The following CSNK1A1 variants were observed in gnomAD, a reference collection of about 807,000 sequenced individuals.
CSNK1A1 encodes the protein casein kinase 1 alpha 1.
In CSNK1A1, 7 loss-of-function variants were observed where a neutral mutation model predicts 46.1. That is an observed-to-expected ratio of 0.15 (90% CI 0.09 to 0.29). The LOEUF is 0.29. Ranked by LOEUF, CSNK1A1 falls within the 10% of genes least tolerant of loss-of-function variation. CSNK1A1 has a pLI of 1.00. For missense variants in CSNK1A1, 96 were observed against 417.1 expected (o/e 0.23, Z 6.71); for synonymous variants, 137 against 141.5 (o/e 0.97, Z 0.23).
rs1761439348 is a variant in CSNK1A1, at chr5:149,517,531, T to C, written c.456+2759A>G. Among the ~76,000 whole-genome samples, 1 of 152,236 alleles carries C rather than the reference T, an allele frequency of 6.6e-6. No homozygotes were observed. The highest frequency in any genetic ancestry group is 1.5e-5 in the Non-Finnish European group (1 of 68,032). On this transcript the variant is annotated intron_variant, in intron 4 of 9. Coordinates refer to ENST00000377843, the MANE Select transcript of CSNK1A1 (RefSeq NM_001892.6). This position sits in a 1 kb window ranked among gnomAD's most constrained non-coding sequence, Gnocchi z 4.4. ...ACTAGACCAACATCATTTCCTCATA[T>C]GTATGTTAGAGAGCTAAACATAATA... is the stretch of plus-strand genomic sequence containing the variant.
At chr5:149,502,964 C>T in intron 9 of CSNK1A1, 11 of 718,534 alleles carry the variant, frequency 1.5e-5, no homozygotes, top group Non-Finnish European at 1.9e-5. Context: ...AGATGGGTTT[C>T]CACCATGTTG....
At chr5:149,546,290 C>T (rs542599754) in intron 2 of CSNK1A1, among the ~76,000 whole-genome samples, 15 of 152,132 alleles carry the variant, frequency 9.9e-5, no homozygotes, top group Non-Finnish European at 1.3e-4. Flanking sequence ...AGGTCATCTA[C>T]GCAGGCCAGG....
chr5:149,522,098 A>T (rs924112560), intron 3 of CSNK1A1, among the ~76,000 whole-genome samples: 1 of 152,004 alleles, frequency 6.6e-6, no homozygotes, highest in Non-Finnish European at 1.5e-5. Flanking sequence ...TGTATACAAT[A>T]GAAGTTCTGT....
intron 2 of CSNK1A1, among the ~76,000 whole-genome samples, chr5:149,534,924 A>G (rs1439331088): frequency 6.6e-6 from 1 of 150,730 alleles, no homozygotes; most frequent in Non-Finnish European, 1.5e-5. Flanking sequence ...AAAAAAAAAA[A>G]GCCCCTTACC....
At chr5:149,543,232 A>G (rs983734469) in intron 2 of CSNK1A1, among the ~76,000 whole-genome samples, 1 of 152,182 alleles carries the variant, frequency 6.6e-6, no homozygotes, top group African/African-American at 2.4e-5. Context: ...TGACCTTGAC[A>G]TAAGGGTGAT....
rs567705787 is a variant in CSNK1A1, at chr5:149,504,787, T to C, written c.1006+660A>G. 2.8e-5 allele frequency: 28 copies of C among 985,432 alleles called. No individual in the cohort carries two copies. The Admixed American group carries it at 1.2e-3, about 43-fold the overall frequency. 61.0% of individuals were successfully genotyped at this position (985,432 alleles called of 1,614,324 possible). ...CAAGCCAAAAACAAAGAAATCGTTT[T>C]GAAATTAAGATCATACGTAAACTGC... On this transcript the variant is annotated intron_variant, in intron 9 of 9. Coordinates refer to ENST00000377843, the MANE Select transcript of CSNK1A1 (RefSeq NM_001892.6).
At chr5:149,509,843 A>G (rs761105968) in intron 7 of CSNK1A1, 36 bp downstream of exon 7, 65 of 1,526,388 alleles carry the variant, frequency 4.3e-5, no homozygotes, top group Non-Finnish European at 5.9e-5. Context: ...GCCTGGCTTC[A>G]TTTATATTTT....
At position 149,551,071 on chromosome 5, in the gene CSNK1A1, G is replaced by A. The variant is rs1461066604; in HGVS notation, c.-107C>T. The A allele has an allele frequency of 8.5e-6, 11 of 1,296,834 alleles. No individual in the cohort carries two copies. The highest frequency in any genetic ancestry group is 9.7e-6 in the Non-Finnish European group (9 of 928,224). 80.3% of individuals were successfully genotyped at this position (1,296,834 alleles called of 1,614,324 possible). ...GCAAGGCTACGGAGGAGGGCGGCAG[G>A]AAACGGAACACGGAGGCCTTTACCG... On this transcript the variant is annotated 5_prime_UTR_variant, in exon 1 of 10. Transcript: ENST00000377843.
chr5:149,500,562 C>G (rs1376929528), intron 9 of CSNK1A1, among the ~76,000 whole-genome samples: 1 of 152,072 alleles, frequency 6.6e-6, no homozygotes, highest in Non-Finnish European at 1.5e-5. Context: ...CAGAAGCGAG[C>G]CACCGCACCC....
At chr5:149,547,065 C>G (rs1320177131) in intron 2 of CSNK1A1, among the ~76,000 whole-genome samples, 3 of 152,182 alleles carry the variant, frequency 2.0e-5, no homozygotes, top group Non-Finnish European at 4.4e-5. Flanking sequence ...TTTCCACACT[C>G]TCATCCAATT....
intron 2 of CSNK1A1, among the ~76,000 whole-genome samples, chr5:149,535,166 AACTT>A (rs751359475): frequency 2.6e-5 from 4 of 152,046 alleles, no homozygotes; most frequent in Non-Finnish European, 5.9e-5. Context: ...TCTTCCTAAA[AACTT>A]ACTTTCTTTA....
At chr5:149,549,408 C>T in intron 2 of CSNK1A1, 2 of 695,286 alleles carry the variant, frequency 2.9e-6, no homozygotes, top group Non-Finnish European at 5.3e-6. Context: ...ACATCTGCTG[C>T]AGAGATCACA....
At chr5:149,522,199 C>T (rs906448811) in intron 3 of CSNK1A1, among the ~76,000 whole-genome samples, 2 of 152,070 alleles carry the variant, frequency 1.3e-5, no homozygotes, top group African/African-American at 2.4e-5. Context: ...CTTCAACTTC[C>T]GGGGCTCAAG....
intron 4 of CSNK1A1, among the ~76,000 whole-genome samples, chr5:149,519,177 A>C (rs1459065112): frequency 6.6e-6 from 1 of 152,162 alleles, no homozygotes; most frequent in African/African-American, 2.4e-5. Context: ...ATTTCCTAAA[A>C]CCTAATCAGA....
In CSNK1A1 at chr5:149,498,103, G is replaced by A. The variant is rs569558799; in HGVS notation, c.1007-1243C>T. 7.4e-5 allele frequency: 73 copies of A among 983,736 alleles called. No individual in the cohort carries two copies. The African/African-American group carries it at 1.1e-3, about 15-fold the overall frequency. The allele number at this position is 983,736 out of a possible 1,614,324, so 60.9% of individuals were successfully genotyped here. Reference sequence around the variant, plus strand: ...CGCCATGGCCTCCCAAAGTGTGGGGGTTACAGGTGGGAGCCACCGTGCCCA... The same window carrying A: ...CGCCATGGCCTCCCAAAGTGTGGGGATTACAGGTGGGAGCCACCGTGCCCA... On this transcript the variant is annotated intron_variant, in intron 9 of 9. Coordinates refer to ENST00000377843, the MANE Select transcript of CSNK1A1 (RefSeq NM_001892.6).
intron 2 of CSNK1A1, among the ~76,000 whole-genome samples, chr5:149,538,312 G>A (rs1346480823): frequency 6.6e-6 from 1 of 152,024 alleles, no homozygotes; most frequent in Non-Finnish European, 1.5e-5. Context: ...ATGAGCCACC[G>A]CGCCCGGCTG....
At chr5:149,503,748 GAC>G in intron 9 of CSNK1A1, 2 of 985,280 alleles carry the variant, frequency 2.0e-6, no homozygotes, top group Non-Finnish European at 2.4e-6. Context: ...TTGAATAAGA[GAC>G]ACACAGTAAA....
chr5:149,503,053 A>G, intron 9 of CSNK1A1: 1 of 984,822 alleles, frequency 1.0e-6, no homozygotes, highest in South Asian at 4.7e-5. Flanking sequence ...GGCGTGAGCC[A>G]CTGCACCCAG....
At chr5:149,504,097 C>T in intron 9 of CSNK1A1, 1 of 985,396 alleles carries the variant, frequency 1.0e-6, no homozygotes, top group Non-Finnish European at 1.2e-6. Context: ...GATTAAAACA[C>T]TCAAAAGGAG....
Sources: allele counts gnomAD v4.1 joint callset (sites outside exome capture counted in the v4.1 genomes callset), GRCh38; gene constraint gnomAD v4.1.1; non-coding constraint Gnocchi (gnomAD v3.1); transcripts MANE v1.5; gene names NCBI Gene and HGNC (gene_info 2026-07-23, HGNC 2026-07-21).